DNAH14: variants seen among roughly 807,000 people sequenced by gnomAD.
The protein encoded by DNAH14 is axonemal beta dynein heavy chain 14.
A neutral mutation model predicts 520.9 loss-of-function variants in DNAH14; 478 were observed. The observed-to-expected ratio is 0.92, with a 90% CI of 0.85 to 0.99. The LOEUF (loss-of-function observed/expected upper bound fraction) is 0.99. DNAH14 is among the 50% of genes least tolerant of loss of function. The probability of loss-of-function intolerance (pLI) is 0.00; values close to 1 mark genes in which losing one functional copy is unlikely to be tolerated. For missense variants in DNAH14, 4,831 were observed against 5,234.5 expected (o/e 0.92, Z 2.38); for synonymous variants, 1,581 against 1,757.2 (o/e 0.90, Z 2.51).
In DNAH14 at chr1:225,346,115, C is replaced by T; in HGVS notation, c.10832C>T (p.Ala3611Val). The T allele has an allele frequency of 6.4e-7, 1 of 1,551,698 alleles. No individual in the cohort carries two copies. Among genetic ancestry groups the T allele is most frequent in the Middle Eastern group, 1.7e-4 (1 of 5,992 alleles). Reference protein sequence around the residue: ...KNYLPIATRGALLYFLVADLT... With the variant: ...KNYLPIATRGVLLYFLVADLT... ...TATCTCCCCATTGCGACCCGAGGCG[C>T]CCTGCTCTACTTCCTAGTAGCTGAT... Residue 3611 changes from alanine to valine, a missense_variant, in exon 70 of 86, where the codon GCC becomes GTC. Coordinates refer to ENST00000682510, the MANE Select transcript of DNAH14 (RefSeq NM_001367479.1).
chr1:225,151,895 G>A, intron 31 of DNAH14, 110 bp from the exon 32 acceptor site: 2 of 907,456 alleles, frequency 2.2e-6, no homozygotes, highest in South Asian at 2.8e-5. Flanking sequence ...TGCTCTGTTT[G>A]CATTTAAATG....
intron 36 of DNAH14, among the ~76,000 whole-genome samples, chr1:225,173,741 C>G (rs77074533): frequency 0.24 from 37,082 of 152,116 alleles, 5,504 homozygotes; most frequent in Non-Finnish European, 0.33. Context: ...ACCATTTGAC[C>G]CAGCCATCCC....
chr1:225,303,471 T>C lies in DNAH14; in HGVS notation c.8823+124T>C. 6 of 780,824 alleles carry C rather than the reference T, an allele frequency of 7.7e-6. No homozygotes were observed. In the South Asian group the frequency reaches 1.3e-4, roughly 16 times the overall value. 48.4% of individuals were successfully genotyped at this position (780,824 alleles called of 1,614,324 possible). On this transcript the variant is annotated intron_variant, in intron 57 of 85. Coordinates refer to ENST00000682510, the MANE Select transcript of DNAH14 (RefSeq NM_001367479.1). ...AGTTCTAAGCTAATTTACAATAAAA[T>C]GGATCAAGTGTTTACAATGACTCCC...
Position 225,392,379 on chromosome 1 carries a change from C to T in DNAH14, c.13419C>T (p.Asn4473=), listed in dbSNP as rs572676833. The T allele has an allele frequency of 1.7e-4, 264 of 1,552,260 alleles. No individual in the cohort carries two copies. Among genetic ancestry groups the T allele is most frequent in the Middle Eastern group, 1.7e-3 (10 of 5,994 alleles). Reference sequence around the variant, plus strand: ...CCTTCACCCACCATGTGATTTCCAACACCACTGACAAGGATGAGAAGTTCT... The same window carrying T: ...CCTTCACCCACCATGTGATTTCCAATACCACTGACAAGGATGAGAAGTTCT... ...ALTFTHHVIS[N]TTDKDEKFSV... is the part of the protein sequence containing the mutation. Residue 4473 remains asparagine, a synonymous_variant, in exon 84 of 86, where the codon AAC becomes AAT. Transcript: ENST00000682510.
chr1:225,175,042 A>G (rs1013174925), intron 36 of DNAH14, among the ~76,000 whole-genome samples: 1 of 152,172 alleles, frequency 6.6e-6, no homozygotes, highest in Non-Finnish European at 1.5e-5. Context: ...ATCATGGTTA[A>G]TGATCTTTTT....
At chr1:225,095,845 GAGGA>G (rs2074916774) in intron 21 of DNAH14, among the ~76,000 whole-genome samples, 1 of 152,180 alleles carries the variant, frequency 6.6e-6, no homozygotes. Flanking sequence ...GGAGGGATAG[GAGGA>G]AGTAATTCCA....
At chr1:224,968,195 A>G (rs1391982050) in intron 6 of DNAH14, among the ~76,000 whole-genome samples, 1 of 152,120 alleles carries the variant, frequency 6.6e-6, no homozygotes, top group Non-Finnish European at 1.5e-5. Context: ...AAAAACTTCT[A>G]TAGATATATG....
chr1:225,009,055 G>A (rs932271836), intron 10 of DNAH14, among the ~76,000 whole-genome samples: 9 of 152,100 alleles, frequency 5.9e-5, no homozygotes, highest in African/African-American at 2.2e-4. Context: ...CCATTCTGTA[G>A]GTTGCATGTT....
At chr1:224,980,505 A>G (rs1289821253) in intron 8 of DNAH14, among the ~76,000 whole-genome samples, 1 of 152,178 alleles carries the variant, frequency 6.6e-6, no homozygotes, top group Non-Finnish European at 1.5e-5. Flanking sequence ...TTGGACTCCA[A>G]TCCGTGGCTC....
intron 38 of DNAH14, among the ~76,000 whole-genome samples, chr1:225,201,125 A>C (rs938895038): frequency 2.6e-5 from 4 of 151,888 alleles, no homozygotes; most frequent in East Asian, 3.9e-4. Context: ...CGAGGTCTGA[A>C]GTTCTCCCTT....
intron 23 of DNAH14, among the ~76,000 whole-genome samples, chr1:225,114,181 G>A (rs1414504775): frequency 6.6e-6 from 1 of 152,158 alleles, no homozygotes; most frequent in Non-Finnish European, 1.5e-5. Flanking sequence ...CGGGGCCCAA[G>A]GGCTGTTTAG....
chr1:225,145,213 C>T, intron 29 of DNAH14, 113 bp from the exon 30 acceptor site: 5 of 720,670 alleles, frequency 6.9e-6, no homozygotes, highest in Non-Finnish European at 8.8e-6. Context: ...AATTCATCTC[C>T]ATATTGCAAA....
At chr1:225,207,521 A>G (rs1451622204) in intron 41 of DNAH14, among the ~76,000 whole-genome samples, 4 of 152,226 alleles carry the variant, frequency 2.6e-5, no homozygotes, top group African/African-American at 7.2e-5. Flanking sequence ...AGTTAGAAAT[A>G]GTGAAAAAAG....
chr1:225,175,643 G>C (rs1222373214), intron 36 of DNAH14, among the ~76,000 whole-genome samples: 1 of 149,554 alleles, frequency 6.7e-6, no homozygotes, highest in Non-Finnish European at 1.5e-5. Flanking sequence ...TTATTTTTTG[G>C]GTTTTGATTG....
intron 81 of DNAH14, among the ~76,000 whole-genome samples, chr1:225,384,749 C>CAA (rs1269117725): frequency 6.6e-6 from 1 of 151,936 alleles, no homozygotes; most frequent in South Asian, 2.1e-4. Context: ...GCCTACCAAC[C>CAA]AAAAAAAGTC....
At chr1:225,146,435 TTTTG>T (rs1291529012) in intron 30 of DNAH14, among the ~76,000 whole-genome samples, 1 of 152,202 alleles carries the variant, frequency 6.6e-6, no homozygotes, top group Non-Finnish European at 1.5e-5. Context: ...CTGTCAATAT[TTTTG>T]TTTGTTTTGT....
At chr1:225,328,537 A>T (rs1175068711) in intron 64 of DNAH14, among the ~76,000 whole-genome samples, 7 of 152,104 alleles carry the variant, frequency 4.6e-5, no homozygotes, top group Admixed American at 2.0e-4. Flanking sequence ...CTTCGTGGAA[A>T]TTTTCTCCTC....
Position 225,015,967 on chromosome 1 carries a change from G to A in DNAH14, c.1108-7648G>A, listed in dbSNP as rs925436645. ...AGGAGAGGTCTCATGTAGCTTTGGC[G>A]CAGTCTGGGACTGTAGCTCTTATTG... On this transcript the variant is annotated intron_variant, in intron 10 of 85. Transcript: ENST00000682510. 7.2e-5 allele frequency among the ~76,000 whole-genome samples: 11 copies of A among 152,188 alleles called. 1 individual carries two copies. The highest frequency in any genetic ancestry group is 2.4e-4 in the African/African-American group (10 of 41,446).
At chr1:225,381,699 C>A in intron 81 of DNAH14, 120 bp downstream of exon 81, 2 of 833,568 alleles carry the variant, frequency 2.4e-6, no homozygotes, top group Non-Finnish European at 1.8e-6. Flanking sequence ...TTAAAAGATG[C>A]TGACGTACTT....
Sources: allele counts gnomAD v4.1 joint callset (sites outside exome capture counted in the v4.1 genomes callset), GRCh38; gene constraint gnomAD v4.1.1; transcripts MANE v1.5; gene names NCBI Gene and HGNC (gene_info 2026-07-23, HGNC 2026-07-21).